Variants in RGS2 observed in about 807,000 individuals in gnomAD.
RGS2 encodes the protein G0 to G1 switch regulatory 8, 24kD.
In RGS2, 20 loss-of-function variants were observed where a neutral mutation model predicts 26.6. That is an observed-to-expected ratio of 0.75 (90% CI 0.53 to 1.09). The LOEUF is 1.09. Ranked by LOEUF, RGS2 falls within the 50% of genes least tolerant of loss-of-function variation. RGS2 has a pLI of 0.00. For synonymous variants in RGS2, 97 were observed against 79.9 expected, an observed-to-expected ratio of 1.21 and a Z score of -1.14; for missense variants, 246 against 245.5, an observed-to-expected ratio of 1.00 and a Z score of -0.01.
chr1:192,811,594 T>C lies in RGS2; in HGVS notation c.634T>C (p.Ter212ArgextTer27). The change falls in exon 5 of 5, where the codon TGA (stop) becomes CGA (arginine). Residue 212 changes from the stop codon to arginine, a stop_lost. Transcript: ENST00000235382. ...AATCACCACAGAGCCTCATGCTACA[T>C]GAAATGTAAAAGGGAGCCCAGAAAT... ...PQITTEPHAT* is the reference protein window; with the variant it reads ...PQITTEPHATR 1 of 1,613,930 alleles carries C rather than the reference T, an allele frequency of 6.2e-7. No individual in the cohort carries two copies. Among genetic ancestry groups the C allele is most frequent in the Non-Finnish European group, 8.5e-7 (1 of 1,179,798 alleles).
intron 1 of RGS2, 39 bp downstream of exon 1, chr1:192,809,220 C>T: frequency 1.4e-6 from 2 of 1,397,526 alleles, no homozygotes; most frequent in Non-Finnish European, 2.0e-6. Flanking sequence ...CACCCCCTGC[C>T]CCACACTGCA....
intron 1 of RGS2, 195 bp downstream of exon 1, chr1:192,809,376 A>T: frequency 1.6e-6 from 1 of 613,780 alleles, no homozygotes; most frequent in Admixed American, 2.4e-5. Context: ...ACCGAGGGAG[A>T]CAGTTGATAT....
rs1665586722 is a variant in RGS2, at chr1:192,811,214, A to G, written c.441+67A>G. On this transcript the variant is annotated intron_variant, in intron 4 of 4. Transcript: ENST00000235382. ...TTTAGCACAAAAGTGAAACAAAGTA[A>G]TCAAGGACAAAGCGGGCTAGGAGGG... is the stretch of plus-strand genomic sequence containing the variant. 32 of 1,563,470 alleles carry G rather than the reference A, an allele frequency of 2.0e-5. No homozygotes were observed. The Admixed American group carries it at 5.4e-4, about 26-fold the overall frequency.
rs377637167 is a variant in RGS2, at chr1:192,809,066, A to C, written c.-6A>C. ...AAACAGCCGGGGCTCCAGCGGGAGA[A>C]CGATAATGCAAAGTGCTATGTTCTT... On this transcript the variant is annotated 5_prime_UTR_variant, in exon 1 of 5. Coordinates refer to ENST00000235382, the MANE Select transcript of RGS2 (RefSeq NM_002923.4). The C allele has an allele frequency of 6.2e-7, 1 of 1,606,824 alleles. No individual in the cohort carries two copies. The highest frequency in any genetic ancestry group is 8.5e-7 in the Non-Finnish European group (1 of 1,173,392).
At chr1:192,809,609 C>A (rs1665553189) in intron 1 of RGS2, 1 of 301,776 alleles carries the variant, frequency 3.3e-6, no homozygotes, top group Non-Finnish European at 6.5e-6. Context: ...GCAGATCTCA[C>A]CCAGTCCGAA....
At chr1:192,810,910 G>A (rs1484454560) in intron 3 of RGS2, 71 bp from the exon 4 acceptor site, 11 of 1,398,292 alleles carry the variant, frequency 7.9e-6, no homozygotes, top group Non-Finnish European at 1.0e-5. Flanking sequence ...TGAGGGATAG[G>A]AGAAACATAA....
At chr1:192,810,939 A>T (rs751279008) in intron 3 of RGS2, 42 bp from the exon 4 acceptor site, 62 of 1,567,954 alleles carry the variant, frequency 4.0e-5, no homozygotes, top group Non-Finnish European at 5.3e-5. Flanking sequence ...TTGGTCTCTC[A>T]GTTCTTCACA....
intron 3 of RGS2, chr1:192,810,739 T>C: frequency 3.3e-6 from 2 of 613,106 alleles, no homozygotes; most frequent in East Asian, 5.6e-5. Flanking sequence ...GGCTCCCCTA[T>C]AAATATTTAC....
At position 192,810,510 on chromosome 1, in the gene RGS2, G is replaced by A. The variant is rs146292708; in HGVS notation, c.274+79G>A. On this transcript the variant is annotated intron_variant, in intron 3 of 4. Transcript: ENST00000235382. Reference sequence around the variant, plus strand: ...GCTGCGTCCACCTAACAAAAGAGCAGCTTGCCTGAGGGGGATTAGACTGCA... The same window carrying A: ...GCTGCGTCCACCTAACAAAAGAGCAACTTGCCTGAGGGGGATTAGACTGCA... 779 of 1,276,316 alleles carry A rather than the reference G, an allele frequency of 6.1e-4. 3 individuals carry two copies. In the African/African-American group the frequency reaches 9.9e-3, roughly 16 times the overall value. 79.1% of individuals were successfully genotyped at this position (1,276,316 alleles called of 1,614,324 possible). A position where few individuals can be genotyped will look rare whatever the true frequency, so the allele number is the denominator to read the frequency against.
intron 2 of RGS2, 48 bp from the exon 3 acceptor site, chr1:192,810,322 A>AG (rs1360146334): frequency 1.2e-6 from 2 of 1,606,444 alleles, no homozygotes; most frequent in South Asian, 2.2e-5. Flanking sequence ...TGAACTGAAA[A>AG]GGGGAACTCT....
In RGS2 at chr1:192,810,400, A is replaced by C; in HGVS notation, c.243A>C (p.Ser81=). The change falls in exon 3 of 5, where the codon TCA becomes TCC. Residue 81 remains serine (S), a synonymous_variant. Coordinates refer to ENST00000235382, the MANE Select transcript of RGS2 (RefSeq NM_002923.4). The stretch of plus-strand genomic sequence containing the variant: ...CTCCTGAGGAAGCACAGCTGTGGTC[A>C]GAAGCATTTGACGAGCTGCTAGCCA... The part of the protein sequence containing the change: ...KPSPEEAQLW[S]EAFDELLASK... 1 of 1,614,218 alleles carries C rather than the reference A, an allele frequency of 6.2e-7. No individual in the cohort carries two copies. Among genetic ancestry groups the C allele is most frequent in the African/African-American group, 1.3e-5 (1 of 75,070 alleles).
Position 192,811,773 on chromosome 1 carries a change from G to C in RGS2, c.*177G>C. The C allele has an allele frequency of 3.0e-6, 2 of 671,232 alleles. No homozygotes were observed. The highest frequency in any genetic ancestry group is 5.4e-6 in the Non-Finnish European group (2 of 373,596). 41.6% of individuals were successfully genotyped at this position (671,232 alleles called of 1,614,324 possible). Reference sequence around the variant, plus strand: ...GGAAGCCAGTAACTGACTAGGAGAAGCTGGTATCAGAACAGCTTCCCTCAC... The same window carrying C: ...GGAAGCCAGTAACTGACTAGGAGAACCTGGTATCAGAACAGCTTCCCTCAC... On this transcript the variant is annotated 3_prime_UTR_variant, in exon 5 of 5. Coordinates refer to ENST00000235382, the MANE Select transcript of RGS2 (RefSeq NM_002923.4).
rs368290103 is a variant in RGS2 at position 192,809,050 on chromosome 1, G to C, written c.-22G>C. The C allele has an allele frequency of 1.3e-4, 210 of 1,572,332 alleles. No individual in the cohort carries two copies. Among genetic ancestry groups the C allele is most frequent in the Non-Finnish European group, 1.8e-4 (202 of 1,141,978 alleles). On this transcript the variant is annotated 5_prime_UTR_variant, in exon 1 of 5. Coordinates refer to ENST00000235382, the MANE Select transcript of RGS2 (RefSeq NM_002923.4). ...ACGCACGCCCAGCCGCAAACAGCCG[G>C]GGCTCCAGCGGGAGAACGATAATGC...
intron 3 of RGS2, 30 bp downstream of exon 3, chr1:192,810,461 C>G (rs1406204872): frequency 2.5e-6 from 4 of 1,606,164 alleles, no homozygotes; most frequent in Non-Finnish European, 3.4e-6. Context: ...TGAGCCATTG[C>G]TAACATCGCA....
chr1:192,812,245 T>C lies in RGS2; in HGVS notation c.*649T>C, dbSNP rs1438839131. 1 of 152,672 alleles carries C rather than the reference T, an allele frequency of 6.5e-6. No individual in the cohort carries two copies. Among genetic ancestry groups the C allele is most frequent in the Non-Finnish European group, 1.5e-5 (1 of 68,096 alleles). The allele number at this position is 152,672 out of a possible 1,614,324, so 9.5% of individuals were successfully genotyped here. A position where few individuals can be genotyped will look rare whatever the true frequency, so the allele number is the denominator to read the frequency against. Reference sequence around the variant, plus strand: ...CTTTGAAGTGGTCTTTGAATACTTTTAATAAATTTATTTTGATAAATAATA... The same window carrying C: ...CTTTGAAGTGGTCTTTGAATACTTTCAATAAATTTATTTTGATAAATAATA... On this transcript the variant is annotated 3_prime_UTR_variant, in exon 5 of 5. Transcript: ENST00000235382.
chr1:192,810,922 G>A, intron 3 of RGS2, 59 bp from the exon 4 acceptor site: 4 of 1,460,340 alleles, frequency 2.7e-6, no homozygotes, highest in Non-Finnish European at 3.8e-6. Flanking sequence ...GAAACATAAG[G>A]AATCATTTGG....
chr1:192,810,540 C>T, intron 3 of RGS2, 109 bp downstream of exon 3: 1 of 913,992 alleles, frequency 1.1e-6, no homozygotes, highest in Non-Finnish European at 1.8e-6. Flanking sequence ...ACTGCAGTCA[C>T]TATAGGATAA....
chr1:192,809,740 TC>T (rs1413076792), intron 1 of RGS2, among the ~76,000 whole-genome samples: 1 of 151,834 alleles, frequency 6.6e-6, no homozygotes, highest in African/African-American at 2.4e-5. Context: ...GTCCAGAACC[TC>T]CTGCTCTAAA....
intron 3 of RGS2, 50 bp from the exon 4 acceptor site, chr1:192,810,931 G>C: frequency 6.7e-7 from 1 of 1,496,550 alleles, no homozygotes; most frequent in Non-Finnish European, 9.3e-7. Context: ...GGAATCATTT[G>C]GTCTCTCAGT....
Sources: allele counts gnomAD v4.1 joint callset (sites outside exome capture counted in the v4.1 genomes callset), GRCh38; gene constraint gnomAD v4.1.1; transcripts MANE v1.5; gene names NCBI Gene and HGNC (gene_info 2026-07-23, HGNC 2026-07-21).